DNAH12: variants seen among roughly 807,000 people sequenced by gnomAD.
DNAH12 encodes the protein axonemal beta dynein heavy chain 12.
A neutral mutation model predicts 371.5 loss-of-function variants in DNAH12; 285 were observed. That is an observed-to-expected ratio of 0.77 (90% confidence interval 0.70 to 0.85). The LOEUF (loss-of-function observed/expected upper bound fraction) is 0.85. DNAH12 is among the 40% of genes least tolerant of loss of function. The pLI is 0.00. For missense variants in DNAH12, 3,611 were observed against 3,689.4 expected (o/e 0.98, Z 0.55); for synonymous variants, 1,200 against 1,213.0 (o/e 0.99, Z 0.22).
the DNAH12 span, among the ~76,000 whole-genome samples, chr3:57,554,100 G>A: frequency 0.02 from 2,997 of 149,592 alleles, 108 homozygotes; most frequent in African/African-American, 0.071. Context: ...ATATTTAGTA[G>A]AGACAGTGAA....
intron 20 of DNAH12, 26 bp from the exon 21 acceptor site, chr3:57,458,246 C>G (rs762162629): frequency 3.3e-6 from 5 of 1,527,752 alleles, no homozygotes; most frequent in Middle Eastern, 1.7e-4. Flanking sequence ...GCATTCAAGT[C>G]AGCACTTTTA....
Position 57,419,500 on chromosome 3 carries a change from A to G in DNAH12, c.5581T>C (p.Trp1861Arg). ...TTAATTAATTCATTCCAATGGACCC[A>G]GCGACCTTTGTTTTTCAACTACAAG... ...YMYELKNKGR[W>R]VHWNELIKNT... Residue 1861 changes from tryptophan to arginine, a missense_variant, in exon 37 of 74, where the codon TGG (tryptophan) becomes CGG (arginine). Trp to Arg is a moderately radical substitution (Grantham distance 101). Around this residue, in one of 3 missense-constraint regions of DNAH12, gnomAD observed 2,266 missense variants for 2,236.9 expected, o/e 1.01. Coordinates refer to ENST00000495027, the MANE Select transcript of DNAH12 (RefSeq NM_001366028.2). The G allele has an allele frequency of 6.9e-7, 1 of 1,442,780 alleles. No homozygotes were observed. Among genetic ancestry groups the G allele is most frequent in the Non-Finnish European group, 9.1e-7 (1 of 1,099,558 alleles). The allele number at this position is 1,442,780 out of a possible 1,614,324, so 89.4% of individuals were successfully genotyped here.
In DNAH12 at chr3:57,520,073, T is replaced by TCTGGAGCCGCCC. The variant is rs1307992847; in HGVS notation, c.279+3509_279+3510insGGGCGGCTCCAG. 1.9e-4 allele frequency: 94 copies of TCTGGAGCCGCCC among 505,456 alleles called. No homozygotes were observed. The African/African-American group carries it at 3.2e-3, about 17-fold the overall frequency. 31.3% of individuals were successfully genotyped at this position (505,456 alleles called of 1,614,324 possible). A position where few individuals can be genotyped will look rare whatever the true frequency, so the allele number is the denominator to read the frequency against. ...GGAAAGCCGGAGGCTGTGGCGGCTC[T>TCTGGAGCCGCCC]GTGGCTACAGCGTTACCTTATCTTT... On this transcript the variant is annotated intron_variant, in intron 4 of 73. Coordinates refer to ENST00000495027, the MANE Select transcript of DNAH12 (RefSeq NM_001366028.2).
chr3:57,357,618 T>C (rs1009236608), intron 58 of DNAH12, among the ~76,000 whole-genome samples: 14,645 of 152,146 alleles, frequency 0.096, 2,314 homozygotes, highest in African/African-American at 0.33. Flanking sequence ...GTTTAAACTT[T>C]AGATTAACAG....
intron 19 of DNAH12, among the ~76,000 whole-genome samples, chr3:57,460,059 A>G (rs2066012465): frequency 6.6e-6 from 1 of 152,088 alleles, no homozygotes; most frequent in African/African-American, 2.4e-5. Flanking sequence ...TCCCAAAACC[A>G]TCCAAGAATA....
At chr3:57,436,113 C>T (rs1312222709) in intron 30 of DNAH12, among the ~76,000 whole-genome samples, 2 of 151,888 alleles carry the variant, frequency 1.3e-5, no homozygotes, top group Non-Finnish European at 2.9e-5. Context: ...AAGCCCCTCT[C>T]AGGTAGCAAA....
chr3:57,429,825 CAG>C (rs1466015807), intron 32 of DNAH12, 51 bp from the exon 33 acceptor site: 1 of 1,446,634 alleles, frequency 6.9e-7, no homozygotes, highest in Non-Finnish European at 9.2e-7. Flanking sequence ...TCAAGTTTCT[CAG>C]ATAAAAATTT....
At chr3:57,315,636 A>G (rs1229380684) in intron 65 of DNAH12, among the ~76,000 whole-genome samples, 4 of 152,028 alleles carry the variant, frequency 2.6e-5, no homozygotes, top group African/African-American at 9.7e-5. Flanking sequence ...TGAGAGAAAG[A>G]TGCGGGTGAA....
At chr3:57,325,281 C>T (rs545351621) in intron 62 of DNAH12, among the ~76,000 whole-genome samples, 1 of 152,354 alleles carries the variant, frequency 6.6e-6, no homozygotes, top group South Asian at 2.1e-4. Context: ...AAGTGGGTCC[C>T]TGACCTCTGA....
At chr3:57,361,421 CTATA>C (rs1227133976) in intron 58 of DNAH12, among the ~76,000 whole-genome samples, 2 of 133,600 alleles carry the variant, frequency 1.5e-5, no homozygotes, top group East Asian at 2.1e-4. Context: ...TACACACACA[CTATA>C]TATATATACA....
At chr3:57,369,441 C>T (rs2063125177) in intron 55 of DNAH12, among the ~76,000 whole-genome samples, 2 of 150,804 alleles carry the variant, frequency 1.3e-5, no homozygotes, top group African/African-American at 4.9e-5. Flanking sequence ...CCAACAGCTT[C>T]TAGGGCTAGG....
At chr3:57,351,009 A>C (rs1292163202) in intron 60 of DNAH12, among the ~76,000 whole-genome samples, 3 of 150,724 alleles carry the variant, frequency 2.0e-5, no homozygotes, top group Admixed American at 6.6e-5. Context: ...AGTGGCTCAC[A>C]CCTGTAATAC....
chr3:57,380,580 T>G (rs2063368137), intron 50 of DNAH12, among the ~76,000 whole-genome samples: 1 of 152,202 alleles, frequency 6.6e-6, no homozygotes, highest in African/African-American at 2.4e-5. Context: ...TTCTCCCACT[T>G]CAGCCTCCCG....
chr3:57,504,335 A>G (rs759317817), intron 8 of DNAH12, 131 bp from the exon 9 acceptor site: 1 of 789,806 alleles, frequency 1.3e-6, no homozygotes, highest in Non-Finnish European at 1.9e-6. Flanking sequence ...AATCCATTTA[A>G]TTGAAAATTA....
At chr3:57,310,656 C>A (rs2061565078) in intron 67 of DNAH12, 61 bp downstream of exon 67, 2 of 1,152,350 alleles carry the variant, frequency 1.7e-6, no homozygotes, top group Non-Finnish European at 1.3e-6. Flanking sequence ...AAGAACATTT[C>A]ACCATTTGCT....
chr3:57,303,410 TTTTC>T (rs1455851349), intron 69 of DNAH12, among the ~76,000 whole-genome samples: 10 of 149,864 alleles, frequency 6.7e-5, no homozygotes, highest in Non-Finnish European at 1.5e-4. Flanking sequence ...TTTCTTTTCT[TTTTC>T]TTTTTTTTTT....
intron 35 of DNAH12, among the ~76,000 whole-genome samples, chr3:57,423,677 T>C (rs1471339909): frequency 6.6e-6 from 1 of 152,128 alleles, no homozygotes; most frequent in Non-Finnish European, 1.5e-5. Context: ...AAAAACCTCT[T>C]TCCTCAGGCT....
chr3:57,407,237 G>C (rs189974298), intron 40 of DNAH12, among the ~76,000 whole-genome samples: 8 of 140,398 alleles, frequency 5.7e-5, no homozygotes, highest in African/African-American at 2.2e-4. Context: ...TCATCTCCCT[G>C]CTCCAACCTC....
At chr3:57,497,824 T>C (rs2153388381) in intron 11 of DNAH12, among the ~76,000 whole-genome samples, 1 of 152,338 alleles carries the variant, frequency 6.6e-6, no homozygotes, top group South Asian at 2.1e-4. Flanking sequence ...AAGACATTGT[T>C]ATAAAAATAA....
Sources: gnomAD v4.1 joint callset for allele counts (sites outside exome capture counted in the v4.1 genomes callset) on GRCh38, gnomAD v4.1.1 for gene constraint, gnomAD v4.1.1 regional missense constraint, MANE v1.5 for transcripts, NCBI Gene and HGNC (gene_info 2026-07-23, HGNC 2026-07-21) for gene names.